The following PPP1R16B variants were observed in gnomAD, a reference collection of about 807,000 sequenced individuals.
The protein encoded by PPP1R16B is protein phosphatase 1 regulatory subunit 16B, also known as protein phosphatase 1 regulatory inhibitor subunit 16B.
Under a neutral mutation model 61.7 loss-of-function variants are expected in PPP1R16B, and 14 were observed. That is an observed-to-expected ratio of 0.23 (90% confidence interval 0.15 to 0.35). The LOEUF (loss-of-function observed/expected upper bound fraction) is 0.35. PPP1R16B is among the 10% of genes least tolerant of loss of function. The pLI, the probability that PPP1R16B is intolerant of heterozygous loss-of-function variation, is 1.00. For synonymous variants in PPP1R16B, 266 were observed against 305.3 expected (o/e 0.87, Z 1.34); for missense variants, 547 against 752.5 (o/e 0.73, Z 3.19).
chr20:38,846,208 G>A (rs977463338), intron 2 of PPP1R16B, among the ~76,000 whole-genome samples: 2 of 152,226 alleles, frequency 1.3e-5, no homozygotes, highest in African/African-American at 4.8e-5. Flanking sequence ...GAATATGTGA[G>A]TCTGGAGCTC....
intron 2 of PPP1R16B, among the ~76,000 whole-genome samples, chr20:38,872,085 G>A (rs769749130): frequency 3.9e-5 from 6 of 152,236 alleles, no homozygotes; most frequent in Non-Finnish European, 8.8e-5. Flanking sequence ...GGACACCGTG[G>A]AGGGTGGCAG....
At chr20:38,810,420 A>G (rs1762991536) in intron 1 of PPP1R16B, among the ~76,000 whole-genome samples, 1 of 152,170 alleles carries the variant, frequency 6.6e-6, no homozygotes, top group Non-Finnish European at 1.5e-5. Flanking sequence ...TTGTCCAGGA[A>G]ACTTCAGGAT....
intron 2 of PPP1R16B, among the ~76,000 whole-genome samples, chr20:38,877,023 C>T (rs2085172515): frequency 6.6e-6 from 1 of 151,882 alleles, no homozygotes; most frequent in Non-Finnish European, 1.5e-5. Context: ...TTTGTTTTTC[C>T]ATTCTATGTT....
At position 38,889,677 on chromosome 20, in the gene PPP1R16B, C is replaced by T. The variant is rs1206979720; in HGVS notation, c.321+12C>T. The T allele has an allele frequency of 3.2e-6, 5 of 1,564,824 alleles. No homozygotes were observed. Among genetic ancestry groups the T allele is most frequent in the Non-Finnish European group, 4.4e-6 (5 of 1,135,088 alleles). On this transcript the variant is annotated intron_variant, in intron 3 of 10. Coordinates refer to ENST00000299824, the MANE Select transcript of PPP1R16B (RefSeq NM_015568.4). ...CAGCCCTACACCAGGTAAGGCCGGG[C>T]TCGTTGGGGCTCCAGGGCTCCCTGC...
At chr20:38,912,521 A>C (rs1227794116) in intron 10 of PPP1R16B, among the ~76,000 whole-genome samples, 5 of 151,500 alleles carry the variant, frequency 3.3e-5, no homozygotes, top group Non-Finnish European at 7.4e-5. Context: ...AAAAAAAAAA[A>C]AACAATTAGG....
intron 2 of PPP1R16B, among the ~76,000 whole-genome samples, chr20:38,852,749 T>TC (rs1294945316): frequency 9.1e-6 from 1 of 109,868 alleles, no homozygotes; most frequent in Admixed American, 9.5e-5. Context: ...ACTGTTTCCT[T>TC]TTTTTTTTTT....
At chr20:38,869,935 T>A (rs1376432840) in intron 2 of PPP1R16B, among the ~76,000 whole-genome samples, 2 of 151,870 alleles carry the variant, frequency 1.3e-5, no homozygotes, top group African/African-American at 2.4e-5. Flanking sequence ...TATTTTTTTT[T>A]TTTTTTAAGA....
At chr20:38,850,010 G>C (rs768274306) in intron 2 of PPP1R16B, among the ~76,000 whole-genome samples, 3 of 152,174 alleles carry the variant, frequency 2.0e-5, no homozygotes, top group Admixed American at 6.5e-5. Context: ...CAGTGTTCAC[G>C]TAGTGGAGAG....
intron 1 of PPP1R16B, among the ~76,000 whole-genome samples, chr20:38,811,741 A>G (rs1045279413): frequency 2.6e-5 from 4 of 152,208 alleles, no homozygotes; most frequent in Admixed American, 2.0e-4. Flanking sequence ...TTCGGGGGAT[A>G]GTGGGGGAGA....
chr20:38,814,060 G>A (rs765240218), intron 1 of PPP1R16B, among the ~76,000 whole-genome samples: 6 of 152,122 alleles, frequency 3.9e-5, no homozygotes, highest in Admixed American at 2.6e-4. Context: ...GCCTCCCAGG[G>A]TGTTGGGATT....
chr20:38,918,338 AC>A lies in PPP1R16B; in HGVS notation c.1379del (p.Pro460LeufsTer24). ...EVPDYSMAYG[N>X]PGVADATPPW... Reference sequence around the variant, plus strand: ...CCTGACTACAGCATGGCCTATGGCAACCCTGGCGTGGCCGACGCCACCCCGC... The same window carrying A: ...CCTGACTACAGCATGGCCTATGGCAACCTGGCGTGGCCGACGCCACCCCGC... On this transcript the variant is annotated frameshift_variant, in exon 11 of 11. Coordinates refer to ENST00000299824, the MANE Select transcript of PPP1R16B (RefSeq NM_015568.4). LOFTEE classifies it high-confidence loss of function. The surrounding 1 kb of genome is among the most constrained non-coding windows in gnomAD (Gnocchi z 5.3). The A allele has an allele frequency of 6.2e-7, 1 of 1,614,180 alleles. No individual in the cohort carries two copies. Among genetic ancestry groups the A allele is most frequent in the Non-Finnish European group, 8.5e-7 (1 of 1,180,034 alleles).
chr20:38,908,253 C>G, intron 10 of PPP1R16B, 60 bp downstream of exon 10: 5 of 1,594,106 alleles, frequency 3.1e-6, no homozygotes, highest in Non-Finnish European at 4.3e-6. Flanking sequence ...GAACAGGGCC[C>G]AGCCTGGCCT....
rs186386988 is a variant in PPP1R16B at position 38,916,451 on chromosome 20, A to G, written c.1195-1706A>G. ...AAAACTAGATTATAAACTAGATTAT[A>G]TATATATATCTTGGACATCTTTCCA... On this transcript the variant is annotated intron_variant, in intron 10 of 10. Transcript: ENST00000299824. Among the ~76,000 whole-genome samples, 58 of 150,462 alleles carry G rather than the reference A, an allele frequency of 3.9e-4. No homozygotes were observed. The East Asian group carries it at 0.011, about 27-fold the overall frequency.
intron 2 of PPP1R16B, among the ~76,000 whole-genome samples, chr20:38,884,083 G>A (rs2085224203): frequency 6.6e-6 from 1 of 152,230 alleles, no homozygotes; most frequent in Admixed American, 6.5e-5. Context: ...AAGGGAATAA[G>A]CGTGCCTTTC....
intron 2 of PPP1R16B, among the ~76,000 whole-genome samples, chr20:38,852,080 A>G (rs545400591): frequency 4.5e-4 from 69 of 152,332 alleles, no homozygotes; most frequent in African/African-American, 1.3e-3. Flanking sequence ...CAGATGCCAG[A>G]AAAAGGGGGC....
intron 1 of PPP1R16B, among the ~76,000 whole-genome samples, chr20:38,817,071 A>G (rs1396267863): frequency 6.6e-6 from 1 of 152,224 alleles, no homozygotes; most frequent in Middle Eastern, 3.2e-3. Context: ...GGGTGGCGCT[A>G]TCATGGGATG....
chr20:38,899,217 G>A (rs1490200620), intron 4 of PPP1R16B, among the ~76,000 whole-genome samples: 1 of 152,184 alleles, frequency 6.6e-6, no homozygotes, highest in African/African-American at 2.4e-5. Flanking sequence ...CACAGTGGAG[G>A]GCTGTTAGGC....
chr20:38,835,817 T>A lies in PPP1R16B; in HGVS notation c.-101-8T>A, dbSNP rs2084865401. On this transcript the variant is annotated splice_region_variant and splice_polypyrimidine_tract_variant and intron_variant, in intron 1 of 10. Transcript: ENST00000299824. ...ATGTGTTCATCTGTGTCTCCCTCCC[T>A]GCCACAGGCCACACCATGAGGCCCC... The A allele has an allele frequency of 1.5e-6, 2 of 1,308,962 alleles. No individual in the cohort carries two copies. Among genetic ancestry groups the A allele is most frequent in the African/African-American group, 3.0e-5 (2 of 67,298 alleles). 81.1% of individuals were successfully genotyped at this position (1,308,962 alleles called of 1,614,324 possible). A position where few individuals can be genotyped will look rare whatever the true frequency, so the allele number is the denominator to read the frequency against.
intron 2 of PPP1R16B, among the ~76,000 whole-genome samples, chr20:38,888,030 T>G (rs2085259306): frequency 6.6e-6 from 1 of 152,228 alleles, no homozygotes; most frequent in African/African-American, 2.4e-5. Flanking sequence ...CTGACTGGGT[T>G]TTTTTGTCCT....
Sources: gnomAD v4.1 joint callset for allele counts (sites outside exome capture counted in the v4.1 genomes callset) on GRCh38, gnomAD v4.1.1 for gene constraint, Gnocchi (gnomAD v3.1) non-coding constraint, MANE v1.5 for transcripts, NCBI Gene and HGNC (gene_info 2026-07-23, HGNC 2026-07-21) for gene names.